NLRC3: variants seen among roughly 807,000 people sequenced by gnomAD.
NLRC3 encodes NLR family CARD domain-containing protein 3.
A neutral mutation model predicts 91.6 loss-of-function variants in NLRC3; 87 were observed. The observed-to-expected ratio is 0.95, with a 90% confidence interval of 0.80 to 1.14. The LOEUF (loss-of-function observed/expected upper bound fraction) is 1.14. NLRC3 is among the 50% of genes most tolerant of loss of function. The probability of loss-of-function intolerance (pLI) is 0.00; values close to 1 mark genes in which losing one functional copy is unlikely to be tolerated. For synonymous variants in NLRC3, 694 were observed against 625.3 expected, an observed-to-expected ratio of 1.11 and a Z score of -1.64; for missense variants, 1,577 against 1,418.6, an observed-to-expected ratio of 1.11 and a Z score of -1.79.
rs1183417530 is a variant in NLRC3, at chr16:3,542,224, G to T, written c.3074C>A (p.Ala1025Glu). ...GMDGAICIAT[A>E]LSGNHRLQHI... ...CTGGAGCCTGTGGTTTCCAGACAGT[G>T]CTGTGGCAATGCATATCGCCCCGTC... Residue 1025 changes from alanine (A) to glutamate (E), a missense_variant, in exon 19 of 20, where the codon GCA becomes GAA. Physicochemically the swap from Ala to Glu is moderately radical, Grantham distance 107 (BLOSUM62 -1). Transcript: ENST00000359128. 1 of 1,593,976 alleles carries T rather than the reference G, an allele frequency of 6.3e-7. No homozygotes were observed. Among genetic ancestry groups the T allele is most frequent in the Non-Finnish European group, 8.5e-7 (1 of 1,169,978 alleles).
At chr16:3,575,451 G>T (rs1213101596) in intron 1 of NLRC3, among the ~76,000 whole-genome samples, 1 of 152,204 alleles carries the variant, frequency 6.6e-6, no homozygotes, top group East Asian at 1.9e-4. Context: ...GGTGGGACTC[G>T]GGTTGCTTTG....
rs1051918576 is a variant in NLRC3 at position 3,541,858 on chromosome 16, C to G, written c.3165G>C (p.Lys1055Asn). ...CAACAGTGCACGTGGGAGCATTTGTCTTGATGGCCTCTGAGATCATCCTGG... is the reference window on the plus strand; with the variant it reads ...CAACAGTGCACGTGGGAGCATTTGTGTTGATGGCCTCTGAGATCATCCTGG... ...SGARMISEAI[K>N]TNAPTCTVEM The change falls in exon 20 of 20, where the codon AAG becomes AAC. Residue 1055 changes from lysine (K) to asparagine (N), a missense_variant. By Grantham distance (94) the Lys-to-Asn change is moderately conservative (BLOSUM62 0). Coordinates refer to ENST00000359128, the MANE Select transcript of NLRC3 (RefSeq NM_178844.4). The G allele has an allele frequency of 3.1e-6, 5 of 1,612,840 alleles. No individual in the cohort carries two copies. The highest frequency in any genetic ancestry group is 4.2e-6 in the Non-Finnish European group (5 of 1,179,218).
At chr16:3,568,074 C>T (rs1031725273) in intron 1 of NLRC3, among the ~76,000 whole-genome samples, 1 of 152,016 alleles carries the variant, frequency 6.6e-6, no homozygotes, top group Admixed American at 6.6e-5. Flanking sequence ...CCTTGCTCAC[C>T]GGGCTGGTCT....
rs2151077217 is a variant in NLRC3, at chr16:3,539,817, C to T, written c.*2008G>A. On this transcript the variant is annotated 3_prime_UTR_variant, in exon 20 of 20. Transcript: ENST00000359128. ...TTTATAGCAGACTTTTTCCTGCAGT[C>T]TAGGATCCAGTCAGAGATCTTGCAT... 6.6e-6 allele frequency: 1 copy of T among 152,302 alleles called. No individual in the cohort carries two copies. The highest frequency in any genetic ancestry group is 2.1e-4 in the South Asian group (1 of 4,832). 9.4% of individuals were successfully genotyped at this position (152,302 alleles called of 1,614,324 possible).
chr16:3,553,307 G>A (rs886803488), intron 9 of NLRC3, among the ~76,000 whole-genome samples: 4 of 152,172 alleles, frequency 2.6e-5, no homozygotes, highest in Admixed American at 6.5e-5. Flanking sequence ...TTTCATAAGG[G>A]TTTGGAGCCA....
chr16:3,554,828 C>T (rs2039216271), intron 8 of NLRC3, among the ~76,000 whole-genome samples: 1 of 152,104 alleles, frequency 6.6e-6, no homozygotes, highest in Non-Finnish European at 1.5e-5. Context: ...TTCACAGCAA[C>T]GATATTCATA....
chr16:3,561,118 A>C (rs921259573), intron 6 of NLRC3, among the ~76,000 whole-genome samples: 1 of 152,024 alleles, frequency 6.6e-6, no homozygotes, highest in Non-Finnish European at 1.5e-5. Flanking sequence ...TTGGGAGGCC[A>C]AGGCTGGCGG....
chr16:3,549,794 A>C lies in NLRC3; in HGVS notation c.2436-14T>G. 6.5e-7 allele frequency: 1 copy of C among 1,546,164 alleles called. No homozygotes were observed. The highest frequency in any genetic ancestry group is 2.4e-5 in the East Asian group (1 of 40,876). ...TTGCTCTGCAGGCTGCGGAAAGAGG[A>C]GGCGCCCTGGGTGTGGCTGTCCCAG... On this transcript the variant is annotated splice_polypyrimidine_tract_variant and intron_variant, in intron 11 of 19. Transcript: ENST00000359128.
intron 1 of NLRC3, among the ~76,000 whole-genome samples, chr16:3,569,397 AT>A (rs1203778704): frequency 0.037 from 1,531 of 40,914 alleles, 14 homozygotes; most frequent in Middle Eastern, 0.091. Flanking sequence ...TATATATATT[AT>A]TTTTTTTTTT....
chr16:3,548,167 T>A lies in NLRC3; in HGVS notation c.2739A>T (p.Ala913=). The A allele has an allele frequency of 6.3e-7, 1 of 1,595,218 alleles. No homozygotes were observed. The highest frequency in any genetic ancestry group is 2.3e-5 in the East Asian group (1 of 44,226). ...TGGTGAGGCTCCTGTTGAGCTGTAG[T>A]GCTTGTCCCAGGGCCTGGGCAGCGC... The part of the protein sequence containing the change: ...QAGAAQALGQ[A]LQLNRSLTSL... The change falls in exon 15 of 20, where the codon GCA becomes GCT. Residue 913 remains alanine, a synonymous_variant. Coordinates refer to ENST00000359128, the MANE Select transcript of NLRC3 (RefSeq NM_178844.4).
intron 18 of NLRC3, 42 bp from the exon 19 acceptor site, chr16:3,542,316 G>T: frequency 7.7e-7 from 1 of 1,306,596 alleles, no homozygotes; most frequent in Non-Finnish European, 1.1e-6. Context: ...AGCCATCAGG[G>T]CAGAAGGAAA....
At chr16:3,562,882 C>G (rs745913779) in intron 5 of NLRC3, 127 bp downstream of exon 5, 8 of 897,446 alleles carry the variant, frequency 8.9e-6, no homozygotes, top group Admixed American at 6.0e-5. Flanking sequence ...TTTAAGCCAC[C>G]AAGTTCATGG....
chr16:3,563,233 C>T lies in NLRC3; in HGVS notation c.1704G>A (p.Leu568=), dbSNP rs375741854. The T allele has an allele frequency of 8.7e-6, 14 of 1,604,744 alleles. No homozygotes were observed. The South Asian group carries it at 1.6e-4, about 18-fold the overall frequency. Residue 568 remains leucine (L), a synonymous_variant, in exon 5 of 20, where the codon TTG becomes TTA. Coordinates refer to ENST00000359128, the MANE Select transcript of NLRC3 (RefSeq NM_178844.4). ...TGTGCTGCAGCTCATGCAGGCAGTG[C>T]AACACGTTGATGGCCCGTGCACAGA... The part of the protein sequence containing the change: ...AAVCARAINV[L]HCLHELQHTE...
chr16:3,571,884 G>T (rs2040110326), intron 1 of NLRC3, among the ~76,000 whole-genome samples: 1 of 151,588 alleles, frequency 6.6e-6, no homozygotes, highest in African/African-American at 2.4e-5. Flanking sequence ...AGGTTGCAGT[G>T]AGCCAAGATG....
chr16:3,542,821 G>C, intron 17 of NLRC3, 46 bp from the exon 18 acceptor site: 2 of 1,350,348 alleles, frequency 1.5e-6, no homozygotes, highest in Non-Finnish European at 2.1e-6. Flanking sequence ...CAGGCTGAGA[G>C]GTGATACTGA....
chr16:3,551,590 T>G (rs2151088179), intron 10 of NLRC3, among the ~76,000 whole-genome samples: 1 of 150,090 alleles, frequency 6.7e-6, no homozygotes, highest in Non-Finnish European at 1.5e-5. Context: ...CATCCATTCA[T>G]CCACTCATCC....
rs999374426 is a variant in NLRC3 at position 3,539,549 on chromosome 16, C to T, written c.*2276G>A. ...TCTTCAGCGTTAGGTTTCTGTAGGG[C>T]CCAGCTTTCTCCAGTGTTTGGCTAC... On this transcript the variant is annotated 3_prime_UTR_variant, in exon 20 of 20. Coordinates refer to ENST00000359128, the MANE Select transcript of NLRC3 (RefSeq NM_178844.4). The T allele has an allele frequency of 6.6e-6, 1 of 152,200 alleles. No individual in the cohort carries two copies. Among genetic ancestry groups the T allele is most frequent in the African/African-American group, 2.4e-5 (1 of 41,446 alleles). 9.4% of individuals were successfully genotyped at this position (152,200 alleles called of 1,614,324 possible). A position where few individuals can be genotyped will look rare whatever the true frequency, so the allele number is the denominator to read the frequency against.
At chr16:3,549,666 G>A (rs910156005) in intron 12 of NLRC3, 31 bp downstream of exon 12, 44 of 1,493,838 alleles carry the variant, frequency 2.9e-5, no homozygotes, top group African/African-American at 2.5e-4. Flanking sequence ...TCAAAGAAAC[G>A]CCCTGTTTGG....
chr16:3,554,233 T>TTCAC lies in NLRC3; in HGVS notation c.2267+5_2267+8dup, dbSNP rs776247556. On this transcript the variant is annotated intron_variant, in intron 9 of 19. Transcript: ENST00000359128. ...AGAGAAGGGGGAGAGAGGAGATGTG[T>TTCAC]TCACTCACTGCAGCATGGAGAGGGT... The TTCAC allele has an allele frequency of 2.8e-5, 44 of 1,598,314 alleles. No homozygotes were observed. Among genetic ancestry groups the TTCAC allele is most frequent in the Non-Finnish European group, 3.7e-5 (43 of 1,165,752 alleles).
Sources: allele counts gnomAD v4.1 joint callset (sites outside exome capture counted in the v4.1 genomes callset), GRCh38; gene constraint gnomAD v4.1.1; transcripts MANE v1.5; gene names NCBI Gene and HGNC (gene_info 2026-07-23, HGNC 2026-07-21).